The following CD160 variants were observed in gnomAD, a reference collection of about 807,000 sequenced individuals.
CD160 encodes CD160 molecule, also known as CD160 antigen.
In CD160, 11 loss-of-function variants were observed where a neutral mutation model predicts 19.2. The ratio of observed to expected loss-of-function variants is 0.57; its 90% CI spans 0.36 to 0.95. The LOEUF (loss-of-function observed/expected upper bound fraction) is 0.95. Among genes scored for constraint, CD160 ranks in the 40% least tolerant of loss-of-function variants. The pLI is 0.01. For missense variants in CD160, 182 were observed against 213.2 expected (o/e 0.85, Z 0.91); for synonymous variants, 75 against 81.1 (o/e 0.93, Z 0.40).
intron 2 of CD160, among the ~76,000 whole-genome samples, chr1:145,726,849 T>A (rs1553708467): frequency 6.6e-6 from 1 of 152,234 alleles, no homozygotes; most frequent in Non-Finnish European, 1.5e-5. Context: ...CTTCTATACA[T>A]ACCTGAGACA....
intron 1 of CD160, among the ~76,000 whole-genome samples, chr1:145,723,448 C>T (rs1490060751): frequency 6.6e-6 from 1 of 151,902 alleles, no homozygotes; most frequent in East Asian, 1.9e-4. Flanking sequence ...TTAATAAGTA[C>T]CTTATTAAAT....
intron 2 of CD160, among the ~76,000 whole-genome samples, chr1:145,728,036 A>G (rs1553708608): frequency 6.6e-6 from 1 of 152,140 alleles, no homozygotes; most frequent in Non-Finnish European, 1.5e-5. Context: ...AAAAATATAT[A>G]TGAGAAAATA....
At chr1:145,722,802 G>A (rs1480899075) in intron 1 of CD160, among the ~76,000 whole-genome samples, 2 of 151,994 alleles carry the variant, frequency 1.3e-5, no homozygotes, top group East Asian at 3.9e-4. Flanking sequence ...CACCGTGTTA[G>A]CCAGGATGGT....
intron 1 of CD160, among the ~76,000 whole-genome samples, chr1:145,723,827 G>A (rs587746118): frequency 1.8e-4 from 27 of 152,072 alleles, no homozygotes; most frequent in African/African-American, 4.3e-4. Flanking sequence ...CAGGTGATCC[G>A]CACGCCTCCC....
intron 1 of CD160, among the ~76,000 whole-genome samples, chr1:145,719,764 A>T (rs1240726559): frequency 6.6e-5 from 10 of 152,200 alleles, no homozygotes; most frequent in African/African-American, 2.4e-4. Flanking sequence ...GGCATTCAGG[A>T]ATCCTGGCCC....
chr1:145,735,260 T>A (rs1657435318), intron 4 of CD160, among the ~76,000 whole-genome samples: 1 of 152,140 alleles, frequency 6.6e-6, no homozygotes, highest in Admixed American at 6.5e-5. Flanking sequence ...TGAAGATAAT[T>A]TATGTTCATC....
At chr1:145,731,101 G>T (rs782238716) in intron 4 of CD160, 31 bp downstream of exon 4, 5 of 1,557,272 alleles carry the variant, frequency 3.2e-6, no homozygotes, top group Non-Finnish European at 2.6e-6. Context: ...AATGCCACCA[G>T]GTGGGACAGT....
intron 4 of CD160, 147 bp downstream of exon 4, chr1:145,731,217 T>C: frequency 1.4e-6 from 1 of 691,874 alleles, no homozygotes; most frequent in Non-Finnish European, 2.6e-6. Flanking sequence ...GATGCTGCCT[T>C]TCTTCAAAGC....
intron 5 of CD160, chr1:145,737,910 AACGAGAAAATAT>A (rs1657558373): frequency 6.6e-6 from 1 of 152,222 alleles, no homozygotes; most frequent in African/African-American, 2.4e-5. Flanking sequence ...TATTTGATTA[AACGAGAAAATAT>A]ACACTACTTA....
In CD160 at chr1:145,730,938, G is replaced by A. The variant is rs782728298; in HGVS notation, c.268G>A (p.Glu90Lys). The A allele has an allele frequency of 8.7e-6, 14 of 1,613,988 alleles. No individual in the cohort carries two copies. Among genetic ancestry groups the A allele is most frequent in the Non-Finnish European group, 1.2e-5 (14 of 1,179,956 alleles). The stretch of plus-strand genomic sequence containing the variant: ...GGATCCTGGGATAGATGGTGTTGGT[G>A]AAATATCATCTCAGTTGATGTTCAC... ...KRDPGIDGVGEISSQLMFTIS... is the reference protein window; with the variant it reads ...KRDPGIDGVGKISSQLMFTIS... Residue 90 changes from glutamate to lysine, a missense_variant, in exon 4 of 6, where the codon GAA (glutamate) becomes AAA (lysine). Glu to Lys is a moderately conservative substitution (Grantham distance 56). Coordinates refer to ENST00000369288, the MANE Select transcript of CD160 (RefSeq NM_007053.4).
chr1:145,733,327 C>T (rs1035656243), intron 4 of CD160, among the ~76,000 whole-genome samples: 1 of 151,986 alleles, frequency 6.6e-6, no homozygotes, highest in South Asian at 2.1e-4. Context: ...TTAGTTGAGA[C>T]GGGGTTTTGC....
At position 145,731,094 on chromosome 1, in the gene CD160, G is replaced by A. The variant is rs1318834693; in HGVS notation, c.400+24G>A. On this transcript the variant is annotated intron_variant, in intron 4 of 5. Transcript: ENST00000369288. ...AGGTGAGTGCTCAAATACTCCTAAT[G>A]CCACCAGGTGGGACAGTGAGCAGGG... 5.1e-6 allele frequency: 8 copies of A among 1,576,960 alleles called. No homozygotes were observed. In the Admixed American group the frequency reaches 1.0e-4, roughly 20 times the overall value.
At chr1:145,721,067 C>T (rs1656821531) in intron 1 of CD160, among the ~76,000 whole-genome samples, 2 of 152,198 alleles carry the variant, frequency 1.3e-5, no homozygotes, top group South Asian at 2.1e-4. Context: ...GGGAGACCCG[C>T]CCCTGGCGTG....
At chr1:145,735,203 T>C (rs1337694074) in intron 4 of CD160, among the ~76,000 whole-genome samples, 1 of 152,206 alleles carries the variant, frequency 6.6e-6, no homozygotes, top group Non-Finnish European at 1.5e-5. Flanking sequence ...ATTATATTAT[T>C]TAATCTCCAT....
intron 4 of CD160, among the ~76,000 whole-genome samples, chr1:145,733,071 T>A (rs1428433854): frequency 6.6e-6 from 1 of 152,148 alleles, no homozygotes; most frequent in Non-Finnish European, 1.5e-5. Flanking sequence ...GCTATTATTC[T>A]CTATGAACTT....
intron 3 of CD160, among the ~76,000 whole-genome samples, chr1:145,729,082 T>C (rs1657178753): frequency 1.3e-5 from 2 of 152,164 alleles, no homozygotes; most frequent in Non-Finnish European, 2.9e-5. Flanking sequence ...GGATTTGATA[T>C]ACAGAAAAGC....
chr1:145,733,438 CCTAT>C (rs1335912258), intron 4 of CD160, among the ~76,000 whole-genome samples: 1 of 152,138 alleles, frequency 6.6e-6, no homozygotes, highest in Admixed American at 6.5e-5. Context: ...CCGTGCCTGG[CCTAT>C]CTTACTTTTT....
intron 2 of CD160, among the ~76,000 whole-genome samples, chr1:145,726,277 C>T (rs910397909): frequency 7.2e-5 from 11 of 152,112 alleles, no homozygotes. Flanking sequence ...GATAAAGATG[C>T]ACAAGTATGT....
intron 1 of CD160, among the ~76,000 whole-genome samples, chr1:145,721,456 C>T (rs1656845190): frequency 6.6e-6 from 1 of 152,120 alleles, no homozygotes; most frequent in East Asian, 1.9e-4. Flanking sequence ...GACCTCGCTG[C>T]CCCCCAGCGC....
Sources: allele counts gnomAD v4.1 joint callset (sites outside exome capture counted in the v4.1 genomes callset), GRCh38; gene constraint gnomAD v4.1.1; transcripts MANE v1.5; gene names NCBI Gene and HGNC (gene_info 2026-07-23, HGNC 2026-07-21).